Variants in ADARB2 observed in about 807,000 individuals in gnomAD.
The protein encoded by ADARB2 is adenosine deaminase RNA specific B2 (inactive), also known as inactive double-stranded RNA-specific editase B2.
A neutral mutation model predicts 62.2 loss-of-function variants in ADARB2; 25 were observed. The ratio of observed to expected loss-of-function variants is 0.40; its 90% CI spans 0.29 to 0.56. The LOEUF (loss-of-function observed/expected upper bound fraction) is 0.56, where lower values mean the gene tolerates loss of function less well. Among genes scored for constraint, ADARB2 ranks in the 20% least tolerant of loss-of-function variants. The pLI is 0.43. For missense variants in ADARB2, 1,071 were observed against 1,077.4 expected (o/e 0.99, Z 0.08); for synonymous variants, 572 against 500.8 (o/e 1.14, Z -1.90).
At chr10:1,344,996 C>T (rs1832065486) in intron 3 of ADARB2, among the ~76,000 whole-genome samples, 1 of 152,180 alleles carries the variant, frequency 6.6e-6, no homozygotes, top group Non-Finnish European at 1.5e-5. Context: ...GCAGGTGGCC[C>T]CCTCAGGGAA....
intron 1 of ADARB2, among the ~76,000 whole-genome samples, chr10:1,555,184 C>T (rs568697674): frequency 4.6e-4 from 70 of 152,288 alleles, no homozygotes; most frequent in Non-Finnish European, 4.4e-4. Context: ...CACGGGACTG[C>T]ATGTTGCCTT....
At chr10:1,613,944 A>AT (rs1225624930) in intron 1 of ADARB2, among the ~76,000 whole-genome samples, 1 of 152,220 alleles carries the variant, frequency 6.6e-6, no homozygotes, top group Non-Finnish European at 1.5e-5. Flanking sequence ...TGACCTTTGT[A>AT]TTTTTTATAC....
chr10:1,355,422 G>T (rs188011992), intron 3 of ADARB2, among the ~76,000 whole-genome samples: 1 of 152,316 alleles, frequency 6.6e-6, no homozygotes, highest in East Asian at 1.9e-4. Flanking sequence ...TGGGACTCAG[G>T]TCTCCGGAAA....
chr10:1,303,230 T>TGCAGAAGCC (rs1309493432), intron 3 of ADARB2, among the ~76,000 whole-genome samples: 3 of 151,994 alleles, frequency 2.0e-5, no homozygotes, highest in Non-Finnish European at 4.4e-5. Flanking sequence ...ACGTGAAGAA[T>TGCAGAAGCC]GCAGAAGCCT....
chr10:1,231,881 G>T (rs1361062804), intron 6 of ADARB2, among the ~76,000 whole-genome samples: 1 of 152,182 alleles, frequency 6.6e-6, no homozygotes, highest in Non-Finnish European at 1.5e-5. Flanking sequence ...GCAGAATCAG[G>T]CTAAGCTCGT....
chr10:1,366,334 C>A (rs951647527), intron 2 of ADARB2, among the ~76,000 whole-genome samples: 1 of 152,198 alleles, frequency 6.6e-6, no homozygotes, highest in Non-Finnish European at 1.5e-5. Context: ...CAAAGCTGTT[C>A]CATTAGGGAA....
rs1465998910 is a variant in ADARB2, at chr10:1,678,211, GCCTCAGGGTGAGCGA to G, written c.100+58825_100+58839del. The G allele has an allele frequency of 7.2e-4, 708 of 985,264 alleles. 6 individuals are homozygous for G. In the African/African-American group the frequency reaches 0.011, roughly 16 times the overall value. The allele number at this position is 985,264 out of a possible 1,614,324, so 61.0% of individuals were successfully genotyped here. On this transcript the variant is annotated intron_variant, in intron 1 of 9. Coordinates refer to ENST00000381312, the MANE Select transcript of ADARB2 (RefSeq NM_018702.4). Reference sequence around the variant, plus strand: ...ATGCCACAGGACCTCAGGGTGAGTGGCCTCAGGGTGAGCGACCTCAGGGTGAGTGTCCTCGGGGTG... The same window carrying G: ...ATGCCACAGGACCTCAGGGTGAGTGGCCTCAGGGTGAGTGTCCTCGGGGTG...
intron 3 of ADARB2, among the ~76,000 whole-genome samples, chr10:1,342,309 C>T (rs1449422832): frequency 3.3e-5 from 5 of 152,208 alleles, no homozygotes; most frequent in Admixed American, 2.6e-4. Context: ...CCCTCAAACA[C>T]ACACATGGCC....
chr10:1,659,429 A>G (rs1252818936), intron 1 of ADARB2, among the ~76,000 whole-genome samples: 1 of 152,204 alleles, frequency 6.6e-6, no homozygotes, highest in South Asian at 2.1e-4. Flanking sequence ...TAAAAAACGA[A>G]AAAACCAAAC....
intron 1 of ADARB2, among the ~76,000 whole-genome samples, chr10:1,557,525 T>G (rs1487564665): frequency 6.6e-6 from 1 of 152,168 alleles, no homozygotes; most frequent in Non-Finnish European, 1.5e-5. Context: ...GGCAGCTATT[T>G]TGCAATTTCC....
chr10:1,666,966 C>T (rs1056659307), intron 1 of ADARB2, among the ~76,000 whole-genome samples: 3 of 151,914 alleles, frequency 2.0e-5, no homozygotes, highest in Non-Finnish European at 4.4e-5. Flanking sequence ...TTTGTGTAGA[C>T]TCTGAAAAGA....
chr10:1,211,030 C>T (rs140703155), intron 7 of ADARB2, among the ~76,000 whole-genome samples: 33 of 152,268 alleles, frequency 2.2e-4, no homozygotes, highest in Middle Eastern at 3.4e-3. Flanking sequence ...TTGCCAATGG[C>T]GCTGTGAGGG....
At chr10:1,528,931 C>G (rs1287568214) in intron 1 of ADARB2, among the ~76,000 whole-genome samples, 2 of 152,144 alleles carry the variant, frequency 1.3e-5, no homozygotes, top group Non-Finnish European at 2.9e-5. Context: ...GTGGTCTGTC[C>G]CTTCCTAGGT....
chr10:1,391,049 T>C (rs1254682411), intron 1 of ADARB2, among the ~76,000 whole-genome samples: 1 of 152,160 alleles, frequency 6.6e-6, no homozygotes, highest in Non-Finnish European at 1.5e-5. Flanking sequence ...AGAAGTTTAG[T>C]CTAAGATGAA....
At chr10:1,573,742 T>C (rs1269311380) in intron 1 of ADARB2, among the ~76,000 whole-genome samples, 1 of 152,138 alleles carries the variant, frequency 6.6e-6, no homozygotes, top group East Asian at 1.9e-4. Flanking sequence ...GACGGTGCTC[T>C]ACCCAGCCCC....
chr10:1,409,195 C>G (rs1328203463), intron 1 of ADARB2, among the ~76,000 whole-genome samples: 3 of 93,552 alleles, frequency 3.2e-5, no homozygotes, highest in Non-Finnish European at 7.7e-5. Flanking sequence ...TCGACCCGCC[C>G]TGCCTGACAG....
At chr10:1,309,545 T>C (rs1159581236) in intron 3 of ADARB2, among the ~76,000 whole-genome samples, 36 of 152,222 alleles carry the variant, frequency 2.4e-4, no homozygotes, top group Admixed American at 2.4e-3. Flanking sequence ...TTAGGTTTAA[T>C]ATTTGAAAAG....
intron 3 of ADARB2, among the ~76,000 whole-genome samples, chr10:1,303,531 C>T (rs1404718009): frequency 6.6e-6 from 1 of 152,102 alleles, no homozygotes. Flanking sequence ...CAGAGAATGC[C>T]ACAAAGATAC....
intron 1 of ADARB2, among the ~76,000 whole-genome samples, chr10:1,499,252 A>G (rs1410199694): frequency 6.7e-6 from 1 of 149,044 alleles, no homozygotes; most frequent in Non-Finnish European, 1.5e-5. Context: ...TGCATCATTC[A>G]TCATTCCTCA....
Sources: allele counts gnomAD v4.1 joint callset (sites outside exome capture counted in the v4.1 genomes callset), GRCh38; gene constraint gnomAD v4.1.1; transcripts MANE v1.5; gene names NCBI Gene and HGNC (gene_info 2026-07-23, HGNC 2026-07-21).